ATP8A2: variants seen among roughly 807,000 people sequenced by gnomAD.
ATP8A2 encodes the protein ATPase phospholipid transporting 8A2.
A neutral mutation model predicts 165.6 loss-of-function variants in ATP8A2; 100 were observed. That is an observed-to-expected ratio of 0.60 (90% CI 0.51 to 0.71). The LOEUF (loss-of-function observed/expected upper bound fraction) is 0.71. Ranked by LOEUF, ATP8A2 falls within the 30% of genes least tolerant of loss-of-function variation. ATP8A2 has a pLI of 0.00. For missense variants in ATP8A2, 1,227 were observed against 1,479.5 expected (o/e 0.83, Z 2.80); for synonymous variants, 543 against 548.8 (o/e 0.99, Z 0.15).
At chr13:25,906,764 A>C (rs961209324) in intron 33 of ATP8A2, among the ~76,000 whole-genome samples, 5 of 152,228 alleles carry the variant, frequency 3.3e-5, no homozygotes, top group Admixed American at 6.5e-5. Context: ...TTTATTAAGC[A>C]AGCCTAAAGC....
intron 35 of ATP8A2, among the ~76,000 whole-genome samples, chr13:25,979,228 A>G (rs1189170397): frequency 6.6e-6 from 1 of 152,210 alleles, no homozygotes. Flanking sequence ...GTTATCACCA[A>G]GAGATGGTCA....
chr13:25,591,205 T>A (rs1349217633), intron 24 of ATP8A2: 1 of 452,576 alleles, frequency 2.2e-6, no homozygotes, highest in Non-Finnish European at 4.4e-6. Flanking sequence ...TTCAGTGGCA[T>A]TAAGTATATT....
At chr13:25,950,186 C>T (rs1032709444) in intron 33 of ATP8A2, among the ~76,000 whole-genome samples, 1 of 152,080 alleles carries the variant, frequency 6.6e-6, no homozygotes, top group Non-Finnish European at 1.5e-5. Flanking sequence ...ATCTCAGGGG[C>T]GATATACTGT....
intron 24 of ATP8A2, among the ~76,000 whole-genome samples, chr13:25,601,252 A>C (rs2040376981): frequency 6.6e-6 from 1 of 152,136 alleles, no homozygotes; most frequent in African/African-American, 2.4e-5. Flanking sequence ...TTTCTTTTAG[A>C]AAAGTCCAGT....
chr13:25,495,986 T>C (rs1371792675), intron 2 of ATP8A2, among the ~76,000 whole-genome samples: 1 of 152,122 alleles, frequency 6.6e-6, no homozygotes, highest in African/African-American at 2.4e-5. Context: ...ACCAGAACTC[T>C]CATCACCAGG....
chr13:25,952,445 A>G (rs975688568), intron 33 of ATP8A2, among the ~76,000 whole-genome samples: 5 of 151,870 alleles, frequency 3.3e-5, no homozygotes, highest in African/African-American at 9.7e-5. Context: ...CAGTGGCACA[A>G]TCATAGCTCA....
At chr13:25,736,984 G>C (rs1378825402) in intron 25 of ATP8A2, among the ~76,000 whole-genome samples, 1 of 152,190 alleles carries the variant, frequency 6.6e-6, no homozygotes. Flanking sequence ...GAAGTCAACT[G>C]TCACAGACAT....
At chr13:25,731,682 A>C (rs982912000) in intron 25 of ATP8A2, among the ~76,000 whole-genome samples, 1 of 152,216 alleles carries the variant, frequency 6.6e-6, no homozygotes, top group Non-Finnish European at 1.5e-5. Context: ...AGAATGTGGA[A>C]TATAACACCC....
intron 35 of ATP8A2, among the ~76,000 whole-genome samples, chr13:26,005,338 T>C (rs985467674): frequency 6.6e-6 from 1 of 152,066 alleles, no homozygotes; most frequent in African/African-American, 2.4e-5. Context: ...CTCCTTTTTT[T>C]CCTAGTCAGT....
At chr13:25,971,558 C>T (rs781675110) in intron 35 of ATP8A2, among the ~76,000 whole-genome samples, 28 of 151,966 alleles carry the variant, frequency 1.8e-4, no homozygotes, top group Non-Finnish European at 4.4e-5. Flanking sequence ...GCACAGGAAA[C>T]TCTGTCAATA....
chr13:25,507,611 A>T lies in ATP8A2; in HGVS notation c.222-22388A>T, dbSNP rs1463878142. ...TAAGTGGCTATGTGTCAGGATGAAGACAGAACTGAACTCTATCCTTTATCA... is the reference window on the plus strand; with the variant it reads ...TAAGTGGCTATGTGTCAGGATGAAGTCAGAACTGAACTCTATCCTTTATCA... On this transcript the variant is annotated intron_variant, in intron 2 of 36. Coordinates refer to ENST00000381655, the MANE Select transcript of ATP8A2 (RefSeq NM_016529.6). Among the ~76,000 whole-genome samples, 3 of 152,262 alleles carry T rather than the reference A, an allele frequency of 2.0e-5. No individual in the cohort carries two copies. In the East Asian group the frequency reaches 5.8e-4, roughly 29 times the overall value.
At chr13:25,452,785 A>G (rs1239636724) in intron 1 of ATP8A2, among the ~76,000 whole-genome samples, 1 of 152,176 alleles carries the variant, frequency 6.6e-6, no homozygotes, top group Non-Finnish European at 1.5e-5. Flanking sequence ...CTTAATAGGA[A>G]ACTTTTGAAT....
At chr13:25,438,707 A>G (rs143392490) in intron 1 of ATP8A2, among the ~76,000 whole-genome samples, 38 of 152,280 alleles carry the variant, frequency 2.5e-4, no homozygotes, top group Non-Finnish European at 3.7e-4. Context: ...AAAAGAACAT[A>G]CAATCCCCAT....
chr13:25,821,384 C>T (rs781764105), intron 27 of ATP8A2, among the ~76,000 whole-genome samples: 2 of 152,080 alleles, frequency 1.3e-5, no homozygotes, highest in Admixed American at 6.6e-5. Context: ...TTGATTATAC[C>T]GAATTCACTC....
chr13:25,842,899 C>T (rs926961045), intron 30 of ATP8A2, among the ~76,000 whole-genome samples: 1 of 152,096 alleles, frequency 6.6e-6, no homozygotes, highest in South Asian at 2.1e-4. Context: ...CCTGTCATGT[C>T]TTGTAAGGTG....
intron 33 of ATP8A2, among the ~76,000 whole-genome samples, chr13:25,932,365 G>A (rs763711065): frequency 6.6e-6 from 1 of 152,142 alleles, no homozygotes; most frequent in Non-Finnish European, 1.5e-5. Flanking sequence ...GCAGCTTCCC[G>A]CAAGAAAGAA....
At chr13:25,869,568 G>C (rs1210911270) in intron 33 of ATP8A2, among the ~76,000 whole-genome samples, 1 of 152,182 alleles carries the variant, frequency 6.6e-6, no homozygotes, top group Non-Finnish European at 1.5e-5. Flanking sequence ...TTCTGAGCTT[G>C]TTTTTCAGGT....
At chr13:25,917,226 A>G (rs544173129) in intron 33 of ATP8A2, among the ~76,000 whole-genome samples, 3 of 152,374 alleles carry the variant, frequency 2.0e-5, no homozygotes, top group African/African-American at 7.2e-5. Context: ...CTTCATGGAT[A>G]CAGTTAGCAA....
chr13:25,413,406 C>T (rs952714886), intron 1 of ATP8A2, among the ~76,000 whole-genome samples: 4 of 150,814 alleles, frequency 2.7e-5, no homozygotes, highest in African/African-American at 9.8e-5. Context: ...CTCAGCCTCC[C>T]GGGTAGCTGG....
Sources: allele counts gnomAD v4.1 joint callset (sites outside exome capture counted in the v4.1 genomes callset), GRCh38; gene constraint gnomAD v4.1.1; transcripts MANE v1.5; gene names NCBI Gene and HGNC (gene_info 2026-07-23, HGNC 2026-07-21).